Variants in ATR observed in about 807,000 individuals in gnomAD.
ATR encodes the protein serine/threonine-protein kinase ATR.
In ATR, 142 loss-of-function variants were observed where a neutral mutation model predicts 305.3. The ratio of observed to expected loss-of-function variants is 0.47; its 90% CI spans 0.41 to 0.53. The LOEUF is 0.53. ATR is among the 20% of genes least tolerant of loss of function. The pLI is 0.00. For missense variants in ATR, 2,135 were observed against 3,133.1 expected, an observed-to-expected ratio of 0.68 and a Z score of 7.60; for synonymous variants, 1,050 against 1,068.1, an observed-to-expected ratio of 0.98 and a Z score of 0.33.
chr3:142,535,551 T>G (rs769938677), intron 20 of ATR, among the ~76,000 whole-genome samples: 8 of 152,172 alleles, frequency 5.3e-5, no homozygotes, highest in Non-Finnish European at 1.2e-4. Context: ...TATAGGTAAT[T>G]CAATTCCTTT....
rs993109294 is a variant in ATR, at chr3:142,475,566, A to C, written c.6222-5383T>G. Among the ~76,000 whole-genome samples the C allele has an allele frequency of 5.3e-5, 8 of 152,306 alleles. No homozygotes were observed. The East Asian group carries it at 7.7e-4, about 15-fold the overall frequency. Reference sequence around the variant, plus strand: ...AGTGCCGCAATAAACATACATGTGCATGTGTCTTTATAGCAGCATGATTTA... The same window carrying C: ...AGTGCCGCAATAAACATACATGTGCCTGTGTCTTTATAGCAGCATGATTTA... On this transcript the variant is annotated intron_variant, in intron 36 of 46. Coordinates refer to ENST00000350721, the MANE Select transcript of ATR (RefSeq NM_001184.4).
Position 142,493,276 on chromosome 3 carries a change from T to C in ATR, c.5934A>G (p.Lys1978=). The change falls in exon 35 of 47, where the codon AAA becomes AAG. Residue 1978 remains lysine (K), a synonymous_variant. Coordinates refer to ENST00000350721, the MANE Select transcript of ATR (RefSeq NM_001184.4). ...DVHQALIVLQ[K]GVELCFPENE... ...TTTCAGGAAAACATAATTCAACACC[T>C]TTTTGAAGAACAATTAGTGCCTGGT... is the stretch of plus-strand genomic sequence containing the variant. 6.2e-7 allele frequency: 1 copy of C among 1,613,848 alleles called. No individual in the cohort carries two copies. The highest frequency in any genetic ancestry group is 8.5e-7 in the Non-Finnish European group (1 of 1,179,870).
intron 45 of ATR, among the ~76,000 whole-genome samples, chr3:142,453,714 C>T (rs2070840467): frequency 6.6e-6 from 1 of 152,200 alleles, no homozygotes; most frequent in Admixed American, 6.5e-5. Context: ...AAATTAATTA[C>T]CTTTTCCCAA....
At chr3:142,513,716 T>G in intron 25 of ATR, 78 bp from the exon 26 acceptor site, 1 of 1,396,590 alleles carries the variant, frequency 7.2e-7, no homozygotes, top group Non-Finnish European at 1.0e-6. Flanking sequence ...GTGAGATAAT[T>G]TATCACAAAC....
rs7620648 is a variant in ATR at position 142,496,336 on chromosome 3, A to C, written c.5898+25T>G. 0.58 allele frequency: 304,813 copies of C among 522,086 alleles called. 99,453 individuals carry two copies. Among genetic ancestry groups the C allele is most frequent in the African/African-American group, 0.82 (24,015 of 29,180 alleles). 32.3% of individuals were successfully genotyped at this position (522,086 alleles called of 1,614,324 possible). On this transcript the variant is annotated intron_variant, in intron 34 of 46. Coordinates refer to ENST00000350721, the MANE Select transcript of ATR (RefSeq NM_001184.4). ...TATATATATATATATATATATATATATGATGACATTTCCCTGGCCATTACC... is the reference window on the plus strand; with the variant it reads ...TATATATATATATATATATATATATCTGATGACATTTCCCTGGCCATTACC...
At chr3:142,528,437 T>TA (rs1363097558) in intron 21 of ATR, among the ~76,000 whole-genome samples, 1 of 152,142 alleles carries the variant, frequency 6.6e-6, no homozygotes, top group Non-Finnish European at 1.5e-5. Context: ...CATTAAGCAT[T>TA]AAAAAGTATC....
At chr3:142,500,925 C>G (rs2031925794) in intron 30 of ATR, among the ~76,000 whole-genome samples, 1 of 152,020 alleles carries the variant, frequency 6.6e-6, no homozygotes, top group Non-Finnish European at 1.5e-5. Flanking sequence ...TATCAGATAA[C>G]AAAGGGGATG....
intron 36 of ATR, among the ~76,000 whole-genome samples, chr3:142,479,387 C>G (rs1032321233): frequency 2.6e-4 from 39 of 152,114 alleles, no homozygotes; most frequent in African/African-American, 9.4e-4. Context: ...GTTGAAAATT[C>G]TTTTCCTTAA....
intron 35 of ATR, among the ~76,000 whole-genome samples, chr3:142,487,984 T>C (rs2031050345): frequency 6.6e-6 from 1 of 152,232 alleles, no homozygotes. Flanking sequence ...TTGCCAACTT[T>C]AGCCTTTTCC....
At position 142,563,128 on chromosome 3, in the gene ATR, A is replaced by T; in HGVS notation, c.293-19T>A. On this transcript the variant is annotated intron_variant, in intron 3 of 46. Transcript: ENST00000350721. ...CTGAATTCTTTGAAATAAACAAAAA[A>T]GATATTAAATAAACAAGTATATCCG... is the stretch of plus-strand genomic sequence containing the variant. The T allele has an allele frequency of 6.3e-7, 1 of 1,593,178 alleles. No individual in the cohort carries two copies. The highest frequency in any genetic ancestry group is 8.5e-7 in the Non-Finnish European group (1 of 1,171,912).
In ATR at chr3:142,562,830, G is replaced by A. The variant is rs1235951658; in HGVS notation, c.572C>T (p.Ser191Leu). 1.2e-6 allele frequency: 2 copies of A among 1,607,240 alleles called. No homozygotes were observed. Among genetic ancestry groups the A allele is most frequent in the South Asian group, 1.1e-5 (1 of 89,492 alleles). ...QLDEHMGYLQ[S>L]APLQLMSMQN... is the part of the protein sequence containing the mutation. ...CATACTCATCAACTGCAAAGGAGCT[G>A]ATTGTAAATATCCCATGTGTTCATC... The change falls in exon 4 of 47, where the codon TCA becomes TTA. Residue 191 changes from serine (S) to leucine (L), a missense_variant. This residue lies in a region of ATR where 744 missense variants were observed against 873.2 expected (regional missense o/e 0.85). Coordinates refer to ENST00000350721, the MANE Select transcript of ATR (RefSeq NM_001184.4).
intron 35 of ATR, among the ~76,000 whole-genome samples, chr3:142,491,943 A>AT (rs1018427607): frequency 4.4e-4 from 67 of 152,046 alleles, no homozygotes; most frequent in African/African-American, 1.5e-3. Context: ...CTACTGATTT[A>AT]TTTTTTTTCC....
rs2071088018 is a variant in ATR, at chr3:142,464,620, T to C, written c.7041+477A>G. On this transcript the variant is annotated intron_variant, in intron 41 of 46. Coordinates refer to ENST00000350721, the MANE Select transcript of ATR (RefSeq NM_001184.4). ...AATAATGCCAAGTGATTTAAGCCAG[T>C]CATAAAAGGAGAAATACTGCACTTA... Among the ~76,000 whole-genome samples the C allele has an allele frequency of 2.6e-5, 4 of 152,168 alleles. 1 individual carries two copies. The South Asian group carries it at 8.3e-4, about 32-fold the overall frequency.
Position 142,538,510 on chromosome 3 carries a change from T to C in ATR, c.3697A>G (p.Ile1233Val). The change falls in exon 19 of 47, where the codon ATC becomes GTC. Residue 1233 changes from isoleucine to valine, a missense_variant. Transcript: ENST00000350721. ...TTTTCAATTATGAGGTAGTGGAAGATAGCTGCAGTTTCTTTAGGCTGGATG... is the reference window on the plus strand; with the variant it reads ...TTTTCAATTATGAGGTAGTGGAAGACAGCTGCAGTTTCTTTAGGCTGGATG... ...IHIQPKETAA[I>V]FHYLIIENRD... 2.5e-6 allele frequency: 4 copies of C among 1,613,236 alleles called. No homozygotes were observed. Among genetic ancestry groups the C allele is most frequent in the South Asian group, 1.1e-5 (1 of 91,042 alleles).
intron 46 of ATR, chr3:142,450,342 C>T: frequency 4.0e-6 from 5 of 1,265,130 alleles, no homozygotes; most frequent in Non-Finnish European, 5.5e-6. Flanking sequence ...GAACCAAACC[C>T]AGTTCATTCA....
At chr3:142,508,880 C>T (rs1227176267) in intron 27 of ATR, among the ~76,000 whole-genome samples, 6 of 145,758 alleles carry the variant, frequency 4.1e-5, no homozygotes, top group Non-Finnish European at 6.0e-5. Context: ...GCTGAGATCA[C>T]GCCACTGCAC....
intron 35 of ATR, among the ~76,000 whole-genome samples, chr3:142,485,587 T>C (rs2030863417): frequency 6.6e-6 from 1 of 152,216 alleles, no homozygotes; most frequent in Non-Finnish European, 1.5e-5. Context: ...AAGTAGTGTC[T>C]GGATGGGTTA....
chr3:142,545,581 C>T (rs1480794253), intron 16 of ATR, among the ~76,000 whole-genome samples: 1 of 151,590 alleles, frequency 6.6e-6, no homozygotes, highest in Non-Finnish European at 1.5e-5. Context: ...ATCAGGGGAA[C>T]GATATGAGTT....
At chr3:142,517,620 A>G (rs371030723) in intron 24 of ATR, among the ~76,000 whole-genome samples, 25 of 152,190 alleles carry the variant, frequency 1.6e-4, no homozygotes, top group African/African-American at 5.5e-4. Flanking sequence ...CCTAACTTCC[A>G]TCATTGAGGA....
Sources: gnomAD v4.1 joint callset for allele counts (sites outside exome capture counted in the v4.1 genomes callset) on GRCh38, gnomAD v4.1.1 for gene constraint, gnomAD v4.1.1 regional missense constraint, MANE v1.5 for transcripts, NCBI Gene and HGNC (gene_info 2026-07-23, HGNC 2026-07-21) for gene names.